FGF14: variants seen among roughly 807,000 people sequenced by gnomAD.
The protein encoded by FGF14 is fibroblast growth factor 14.
Under a neutral mutation model 25.5 loss-of-function variants are expected in FGF14, and 5 were observed. That is an observed-to-expected ratio of 0.20 (90% CI 0.10 to 0.41). The LOEUF (loss-of-function observed/expected upper bound fraction) is 0.41. Ranked by LOEUF, FGF14 falls within the 10% of genes least tolerant of loss-of-function variation. FGF14 has a pLI of 1.00. For synonymous variants in FGF14, 138 were observed against 118.3 expected, an observed-to-expected ratio of 1.17 and a Z score of -1.08; for missense variants, 222 against 320.1, an observed-to-expected ratio of 0.69 and a Z score of 2.34.
At chr13:101,858,775 T>C (rs1026257247) in intron 3 of FGF14, among the ~76,000 whole-genome samples, 3 of 152,160 alleles carry the variant, frequency 2.0e-5, no homozygotes, top group Non-Finnish European at 2.9e-5. Flanking sequence ...CCAAAGTATT[T>C]TGTGTCATTT....
intron 1 of FGF14, among the ~76,000 whole-genome samples, chr13:101,984,586 TATTAC>T (rs1235914894): frequency 6.6e-6 from 1 of 152,186 alleles, no homozygotes; most frequent in African/African-American, 2.4e-5. Flanking sequence ...AATTCTACAT[TATTAC>T]ATTTTTATTT....
At chr13:102,352,904 C>T (rs1392113686) in intron 1 of FGF14, among the ~76,000 whole-genome samples, 1 of 151,910 alleles carries the variant, frequency 6.6e-6, no homozygotes, top group Non-Finnish European at 1.5e-5. Context: ...AATATCCTCT[C>T]TTATAATAGA....
intron 1 of FGF14, among the ~76,000 whole-genome samples, chr13:101,945,006 T>C (rs2139345669): frequency 6.6e-6 from 1 of 152,234 alleles, no homozygotes; most frequent in East Asian, 1.9e-4. Context: ...CTTAGCATCA[T>C]AAAACTGTAC....
intron 1 of FGF14, among the ~76,000 whole-genome samples, chr13:101,958,452 C>T (rs1594829045): frequency 6.6e-6 from 1 of 152,294 alleles, no homozygotes; most frequent in South Asian, 2.1e-4. Flanking sequence ...CCTCCTGGAC[C>T]CCAGTGGTCC....
chr13:102,093,162 A>T (rs962943738), intron 1 of FGF14, among the ~76,000 whole-genome samples: 1 of 152,142 alleles, frequency 6.6e-6, no homozygotes, highest in African/African-American at 2.4e-5. Context: ...TTGCAAAAAC[A>T]TGCAGAGAAA....
In FGF14 at chr13:101,721,291, G is replaced by C. The variant is rs1200753768; in HGVS notation, c.*1540C>G. On this transcript the variant is annotated 3_prime_UTR_variant, in exon 5 of 5. Transcript: ENST00000376143. ...GAACATTTTGCATGGAATCTTCATT[G>C]TGTAGTCAACTGTTCCTGGCCTTTC... 1 of 152,092 alleles carries C rather than the reference G, an allele frequency of 6.6e-6. No individual in the cohort carries two copies. The highest frequency in any genetic ancestry group is 1.5e-5 in the Non-Finnish European group (1 of 68,010). The allele number at this position is 152,092 out of a possible 1,614,324, so 9.4% of individuals were successfully genotyped here. A position where few individuals can be genotyped will look rare whatever the true frequency, so the allele number is the denominator to read the frequency against.
At chr13:101,802,637 C>T (rs2040947457) in intron 3 of FGF14, 4 of 152,744 alleles carry the variant, frequency 2.6e-5, no homozygotes, top group South Asian at 4.1e-4. Context: ...CCATGGGTGT[C>T]TGGAGCATCC....
intron 3 of FGF14, among the ~76,000 whole-genome samples, chr13:101,771,935 ATGT>A (rs1191102586): frequency 6.6e-6 from 1 of 152,064 alleles, no homozygotes; most frequent in Non-Finnish European, 1.5e-5. Flanking sequence ...GTATAAAACA[ATGT>A]TGTCAAACAG....
At chr13:101,994,864 C>T (rs1162142671) in intron 1 of FGF14, among the ~76,000 whole-genome samples, 1 of 151,958 alleles carries the variant, frequency 6.6e-6, no homozygotes, top group Non-Finnish European at 1.5e-5. Context: ...ATCAAAAGGC[C>T]TGTTACAGTC....
intron 1 of FGF14, among the ~76,000 whole-genome samples, chr13:101,983,095 T>C (rs2038361093): frequency 6.9e-6 from 1 of 145,682 alleles, no homozygotes; most frequent in Admixed American, 6.7e-5. Flanking sequence ...ATTGTCTCTT[T>C]GGAGTTATAA....
At chr13:102,343,193 A>G (rs1387668502) in intron 1 of FGF14, among the ~76,000 whole-genome samples, 3 of 152,196 alleles carry the variant, frequency 2.0e-5, no homozygotes, top group African/African-American at 7.2e-5. Flanking sequence ...GGTAATGACC[A>G]CGCAGAGATA....
rs1275870152 is a variant in FGF14, at chr13:101,952,550, C to G, written c.209-77254G>C. ...CGACACAATTGGCAAAAATAACTTTCCTGTGGCTGTTTCCATAGGTAGTTA... is the reference window on the plus strand; with the variant it reads ...CGACACAATTGGCAAAAATAACTTTGCTGTGGCTGTTTCCATAGGTAGTTA... On this transcript the variant is annotated intron_variant, in intron 1 of 4. Transcript: ENST00000376131. Among the ~76,000 whole-genome samples, 2 of 152,080 alleles carry G rather than the reference C, an allele frequency of 1.3e-5. 1 individual carries two copies. Among genetic ancestry groups the G allele is most frequent in the Non-Finnish European group, 2.9e-5 (2 of 68,020 alleles).
chr13:102,045,757 A>C (rs749214877), intron 1 of FGF14, among the ~76,000 whole-genome samples: 15 of 152,114 alleles, frequency 9.9e-5, no homozygotes, highest in Non-Finnish European at 2.2e-4. Flanking sequence ...AGTTCAGCAA[A>C]TCAACTGTGT....
At chr13:102,041,987 A>G (rs567306072) in intron 1 of FGF14, among the ~76,000 whole-genome samples, 2 of 152,314 alleles carry the variant, frequency 1.3e-5, no homozygotes, top group African/African-American at 2.4e-5. Flanking sequence ...AGTTCACTTA[A>G]AGGACTCATC....
intron 1 of FGF14, among the ~76,000 whole-genome samples, chr13:102,127,079 C>A (rs1003235645): frequency 6.6e-6 from 1 of 151,976 alleles, no homozygotes; most frequent in Non-Finnish European, 1.5e-5. Flanking sequence ...TTCCATTGCA[C>A]CAGGATGCCT....
rs931213808 is a variant in FGF14 at position 101,902,483 on chromosome 13, C to A, written c.193+13970G>T. Among the ~76,000 whole-genome samples, 4 of 152,140 alleles carry A rather than the reference C, an allele frequency of 2.6e-5. No individual in the cohort carries two copies. In the East Asian group the frequency reaches 7.7e-4, roughly 29 times the overall value. ...ATACCATGCCAATATATGCAGTTTACAGCCCACCCCATTTTTCCTCATGAA... is the reference window on the plus strand; with the variant it reads ...ATACCATGCCAATATATGCAGTTTAAAGCCCACCCCATTTTTCCTCATGAA... On this transcript the variant is annotated intron_variant, in intron 1 of 4. Coordinates refer to ENST00000376143, the MANE Select transcript of FGF14 (RefSeq NM_004115.4).
intron 1 of FGF14, among the ~76,000 whole-genome samples, chr13:102,178,965 G>A (rs1265165693): frequency 6.6e-6 from 1 of 152,090 alleles, no homozygotes; most frequent in Non-Finnish European, 1.5e-5. Context: ...AGTAAGCAGT[G>A]ATGAGGAAGA....
chr13:102,192,765 T>C (rs1420905483), intron 1 of FGF14, among the ~76,000 whole-genome samples: 1 of 152,190 alleles, frequency 6.6e-6, no homozygotes, highest in Non-Finnish European at 1.5e-5. Flanking sequence ...ATCACCTTTC[T>C]TCCATTTTCC....
chr13:101,890,871 G>A (rs1236918372), intron 1 of FGF14, among the ~76,000 whole-genome samples: 1 of 152,104 alleles, frequency 6.6e-6, no homozygotes, highest in African/African-American at 2.4e-5. Context: ...GGTGGAGCCA[G>A]TTACCCTCTC....
Sources: allele counts gnomAD v4.1 joint callset (sites outside exome capture counted in the v4.1 genomes callset), GRCh38; gene constraint gnomAD v4.1.1; transcripts MANE v1.5; gene names NCBI Gene and HGNC (gene_info 2026-07-23, HGNC 2026-07-21).